Variants in WWOX observed in about 807,000 individuals in gnomAD.
WWOX encodes WW domain-containing oxidoreductase.
In WWOX, 69 loss-of-function variants were observed where a neutral mutation model predicts 46.2. The observed-to-expected ratio is 1.49, with a 90% CI of 1.23 to 1.82. WWOX has a LOEUF of 1.82. Ranked by LOEUF, WWOX falls within the 40% of genes most tolerant of loss-of-function variation. The pLI is 0.00. For missense variants in WWOX, 919 were observed against 542.6 expected, an observed-to-expected ratio of 1.69 and a Z score of -6.89; for synonymous variants, 359 against 202.6, an observed-to-expected ratio of 1.77 and a Z score of -6.56.
intron 8 of WWOX, among the ~76,000 whole-genome samples, chr16:78,725,846 C>T (rs909147365): frequency 6.6e-6 from 1 of 152,024 alleles, no homozygotes; most frequent in Non-Finnish European, 1.5e-5. Context: ...CTTGTAGGTG[C>T]ATCACTCCAA....
intron 8 of WWOX, among the ~76,000 whole-genome samples, chr16:78,788,582 C>G (rs954744976): frequency 6.6e-6 from 1 of 152,218 alleles, no homozygotes; most frequent in East Asian, 1.9e-4. Flanking sequence ...CTAGGAAGGG[C>G]TGGAAAGCTC....
intron 8 of WWOX, among the ~76,000 whole-genome samples, chr16:79,133,361 C>T (rs1031551603): frequency 6.6e-6 from 1 of 152,168 alleles, no homozygotes; most frequent in South Asian, 2.1e-4. Context: ...TAACGGGGAA[C>T]CCAATATCAG....
intron 8 of WWOX, among the ~76,000 whole-genome samples, chr16:78,947,278 C>G (rs1392258467): frequency 6.6e-6 from 1 of 152,160 alleles, no homozygotes; most frequent in Non-Finnish European, 1.5e-5. Context: ...AGATTTTTAA[C>G]TCCCTGTTTC....
At chr16:78,456,663 A>G (rs748613515) in intron 8 of WWOX, among the ~76,000 whole-genome samples, 13 of 152,338 alleles carry the variant, frequency 8.5e-5, no homozygotes, top group South Asian at 8.3e-4. Flanking sequence ...ACATCCTGAT[A>G]TATTTTTTGT....
chr16:78,320,087 G>A (rs1227223677), intron 5 of WWOX, among the ~76,000 whole-genome samples: 1 of 152,148 alleles, frequency 6.6e-6, no homozygotes, highest in African/African-American at 2.4e-5. Flanking sequence ...TCCCTAAGTA[G>A]GCTGGAAACT....
intron 8 of WWOX, among the ~76,000 whole-genome samples, chr16:78,569,937 C>A (rs2044672245): frequency 6.6e-6 from 1 of 152,204 alleles, no homozygotes; most frequent in Non-Finnish European, 1.5e-5. Flanking sequence ...GCTCTTAGAG[C>A]TTCCTCTTTG....
intron 8 of WWOX, among the ~76,000 whole-genome samples, chr16:78,531,193 C>A (rs1308924103): frequency 6.6e-6 from 1 of 152,128 alleles, no homozygotes; most frequent in Non-Finnish European, 1.5e-5. Flanking sequence ...TCTCAATTTG[C>A]CTTTTCAGCG....
chr16:78,988,123 A>G (rs1227388692), intron 8 of WWOX, among the ~76,000 whole-genome samples: 6 of 152,024 alleles, frequency 3.9e-5, no homozygotes, highest in Non-Finnish European at 8.8e-5. Context: ...CTGGTGGATC[A>G]CCTGAGGTCA....
intron 8 of WWOX, among the ~76,000 whole-genome samples, chr16:78,945,791 T>A (rs2045937433): frequency 6.6e-6 from 1 of 152,204 alleles, no homozygotes; most frequent in African/African-American, 2.4e-5. Flanking sequence ...TATTATGTTC[T>A]TGGTAGACAG....
chr16:78,334,808 G>GCACGCA (rs1555521510), intron 5 of WWOX, among the ~76,000 whole-genome samples: 9 of 78,754 alleles, frequency 1.1e-4, no homozygotes, highest in Admixed American at 3.2e-4. Context: ...ACACACACAC[G>GCACGCA]CACACACACA....
intron 5 of WWOX, among the ~76,000 whole-genome samples, chr16:78,366,971 T>A (rs1408294549): frequency 5.1e-4 from 3 of 5,922 alleles, no homozygotes; most frequent in East Asian, 1.8e-3. Flanking sequence ...AAAGTTACAT[T>A]TTTTTTTTTT....
rs76912941 is a variant in WWOX, at chr16:78,994,570, C to T, written c.1057-217038C>T. 4.0e-3 allele frequency among the ~76,000 whole-genome samples: 602 copies of T among 152,250 alleles called. 8 individuals carry two copies. The highest frequency in any genetic ancestry group is 0.013 in the African/African-American group (560 of 41,544). ...AGATTTCAGAAATGAATGTGAAGAC[C>T]GAGGCGTTGCTTTGTGCACAGATAA... is the stretch of plus-strand genomic sequence containing the variant. On this transcript the variant is annotated intron_variant, in intron 8 of 8. Transcript: ENST00000566780.
intron 6 of WWOX, among the ~76,000 whole-genome samples, chr16:78,393,427 G>C (rs1181874762): frequency 6.6e-6 from 1 of 152,256 alleles, no homozygotes; most frequent in Non-Finnish European, 1.5e-5. Context: ...GGGAGGCCAA[G>C]GTGAGAGGAT....
chr16:78,833,043 T>C (rs1301464933), intron 8 of WWOX, among the ~76,000 whole-genome samples: 3 of 151,894 alleles, frequency 2.0e-5, no homozygotes, highest in East Asian at 3.9e-4. Context: ...TCTTTTTTTT[T>C]TTTTTTTTCC....
Position 78,482,380 on chromosome 16 carries a change from G to A in WWOX, c.1056+49628G>A, listed in dbSNP as rs139346510. On this transcript the variant is annotated intron_variant, in intron 8 of 8. Coordinates refer to ENST00000566780, the MANE Select transcript of WWOX (RefSeq NM_016373.4). The stretch of plus-strand genomic sequence containing the variant: ...AGGACTACAGGCATGCACCACCATA[G>A]CTGGCTAATTTTTGTATTTTTAGTT... Among the ~76,000 whole-genome samples the A allele has an allele frequency of 8.3e-3, 1,260 of 152,156 alleles. 15 individuals are homozygous for A. Among genetic ancestry groups the A allele is most frequent in the Non-Finnish European group, 9.1e-3 (621 of 68,006 alleles).
intron 8 of WWOX, among the ~76,000 whole-genome samples, chr16:79,192,159 C>G (rs1371970204): frequency 1.3e-5 from 2 of 152,176 alleles, no homozygotes; most frequent in Admixed American, 6.5e-5. Flanking sequence ...CTCTCAGGAC[C>G]AAAATTGCTC....
intron 8 of WWOX, among the ~76,000 whole-genome samples, chr16:78,560,716 T>A (rs1407129146): frequency 1.3e-5 from 2 of 152,158 alleles, no homozygotes; most frequent in African/African-American, 4.8e-5. Flanking sequence ...AACCAGTTCT[T>A]AAGCAATTAA....
At chr16:78,494,039 C>A (rs1449988606) in intron 8 of WWOX, among the ~76,000 whole-genome samples, 1 of 152,098 alleles carries the variant, frequency 6.6e-6, no homozygotes, top group African/African-American at 2.4e-5. Flanking sequence ...GTTCTGCAGA[C>A]TGTATAGGCT....
intron 8 of WWOX, among the ~76,000 whole-genome samples, chr16:78,619,044 C>T (rs1181556680): frequency 6.9e-6 from 1 of 145,380 alleles, no homozygotes; most frequent in Non-Finnish European, 1.5e-5. Context: ...GTCTGTAATT[C>T]CAGCACTTTG....
Sources: gnomAD v4.1 joint callset for allele counts (sites outside exome capture counted in the v4.1 genomes callset) on GRCh38, gnomAD v4.1.1 for gene constraint, MANE v1.5 for transcripts, NCBI Gene and HGNC (gene_info 2026-07-23, HGNC 2026-07-21) for gene names.